MTUS2: variants seen among roughly 807,000 people sequenced by gnomAD.
MTUS2 encodes the protein microtubule-associated tumor suppressor candidate 2.
In MTUS2, 40 loss-of-function variants were observed where a neutral mutation model predicts 114.1. That is an observed-to-expected ratio of 0.35 (90% CI 0.27 to 0.46). The LOEUF is 0.46. Ranked by LOEUF, MTUS2 falls within the 20% of genes least tolerant of loss-of-function variation. The probability of loss-of-function intolerance (pLI) is 1.00; values close to 1 mark genes in which losing one functional copy is unlikely to be tolerated. For synonymous variants in MTUS2, 688 were observed against 672.0 expected, an observed-to-expected ratio of 1.02 and a Z score of -0.37; for missense variants, 1,679 against 1,705.4, an observed-to-expected ratio of 0.98 and a Z score of 0.27.
rs548979115 is a variant in MTUS2 at position 29,172,760 on chromosome 13, G to T, written c.2644+71790G>T. ...GACAAGGAGACATTACCAGGCTACT[G>T]TGGAGTCACAGACAAGTACATAAAA... On this transcript the variant is annotated intron_variant, in intron 5 of 15. Transcript: ENST00000612955. 1.6e-4 allele frequency among the ~76,000 whole-genome samples: 24 copies of T among 152,302 alleles called. No homozygotes were observed. In the South Asian group the frequency reaches 4.8e-3, roughly 30 times the overall value.
At chr13:29,175,643 T>TAATGA (rs1288526989) in intron 5 of MTUS2, among the ~76,000 whole-genome samples, 5 of 152,230 alleles carry the variant, frequency 3.3e-5, no homozygotes, top group Non-Finnish European at 7.3e-5. Flanking sequence ...TTGATCTCAC[T>TAATGA]AATGATTGCT....
chr13:29,121,131 A>G (rs1272634463), intron 5 of MTUS2, among the ~76,000 whole-genome samples: 5 of 152,202 alleles, frequency 3.3e-5, no homozygotes, highest in Non-Finnish European at 5.9e-5. Context: ...TAGACATTTT[A>G]TGGGACAGCT....
chr13:28,830,099 A>C (rs558694927), intron 1 of MTUS2, among the ~76,000 whole-genome samples: 1 of 152,370 alleles, frequency 6.6e-6, no homozygotes, highest in Non-Finnish European at 1.5e-5. Flanking sequence ...GCAGCTGCAC[A>C]TGATAAACAA....
At chr13:29,102,133 T>C (rs1890444240) in intron 5 of MTUS2, among the ~76,000 whole-genome samples, 1 of 152,162 alleles carries the variant, frequency 6.6e-6, no homozygotes, top group Admixed American at 6.5e-5. Flanking sequence ...GGTCTCAAAA[T>C]CTGAAACATG....
At chr13:29,193,097 T>C (rs983867071) in intron 5 of MTUS2, among the ~76,000 whole-genome samples, 5 of 152,194 alleles carry the variant, frequency 3.3e-5, no homozygotes, top group African/African-American at 7.2e-5. Context: ...GAGGTTCATT[T>C]CCAGCCTCTA....
chr13:29,441,205 A>G (rs7984518), intron 9 of MTUS2, among the ~76,000 whole-genome samples: 103,645 of 151,640 alleles, frequency 0.68, 36,202 homozygotes, highest in Non-Finnish European at 0.77. Flanking sequence ...CTCCCCCACC[A>G]GGAGAAGCCC....
At chr13:29,367,623 G>A (rs1037212825) in intron 8 of MTUS2, among the ~76,000 whole-genome samples, 2 of 152,102 alleles carry the variant, frequency 1.3e-5, no homozygotes, top group Non-Finnish European at 2.9e-5. Flanking sequence ...CTGGGGTCCC[G>A]ATGGAAAGGA....
chr13:29,244,101 A>T (rs1896824117), intron 5 of MTUS2, among the ~76,000 whole-genome samples: 1 of 152,196 alleles, frequency 6.6e-6, no homozygotes, highest in South Asian at 2.1e-4. Flanking sequence ...TGAGGCTAAT[A>T]GGTGAAGGGA....
At chr13:29,226,196 C>G (rs1896101929) in intron 5 of MTUS2, among the ~76,000 whole-genome samples, 1 of 152,068 alleles carries the variant, frequency 6.6e-6, no homozygotes, top group African/African-American at 2.4e-5. Context: ...GATTTACATT[C>G]ACTTTAGGTT....
At chr13:29,454,626 G>T (rs1452282379) in intron 9 of MTUS2, among the ~76,000 whole-genome samples, 1 of 151,906 alleles carries the variant, frequency 6.6e-6, no homozygotes, top group Non-Finnish European at 1.5e-5. Context: ...GGAAACGCAG[G>T]AATCAGTGAA....
chr13:29,074,885 C>G (rs1186136903), intron 4 of MTUS2, among the ~76,000 whole-genome samples: 1 of 152,122 alleles, frequency 6.6e-6, no homozygotes, highest in Non-Finnish European at 1.5e-5. Context: ...CTATATATTT[C>G]CACCATTTAA....
intron 7 of MTUS2, among the ~76,000 whole-genome samples, chr13:29,325,282 C>T (rs1184211352): frequency 1.3e-5 from 2 of 151,982 alleles, no homozygotes; most frequent in African/African-American, 4.8e-5. Flanking sequence ...ATAGCGAAAC[C>T]CTGTGTCTAC....
intron 3 of MTUS2, among the ~76,000 whole-genome samples, chr13:29,027,506 C>A (rs1292920836): frequency 6.6e-6 from 1 of 152,150 alleles, no homozygotes; most frequent in Non-Finnish European, 1.5e-5. Flanking sequence ...TGCAGTAATT[C>A]CCTGAGGGTT....
chr13:29,118,129 G>A (rs2138893375), intron 5 of MTUS2, among the ~76,000 whole-genome samples: 1 of 152,236 alleles, frequency 6.6e-6, no homozygotes, highest in South Asian at 2.1e-4. Flanking sequence ...CCCAGGAAAT[G>A]TACGTTGCCT....
At chr13:29,106,374 G>A (rs546749925) in intron 5 of MTUS2, among the ~76,000 whole-genome samples, 2 of 152,290 alleles carry the variant, frequency 1.3e-5, no homozygotes, top group East Asian at 3.9e-4. Context: ...CATGCCTGCT[G>A]ATTTTTTGGA....
intron 13 of MTUS2, 97 bp downstream of exon 13, chr13:29,497,433 CTG>C: frequency 9.6e-7 from 1 of 1,036,448 alleles, no homozygotes; most frequent in East Asian, 2.6e-5. Context: ...CAAGGCCTCT[CTG>C]TGAATCCGCT....
intron 2 of MTUS2, among the ~76,000 whole-genome samples, chr13:29,009,052 A>G (rs918568855): frequency 1.3e-5 from 2 of 151,224 alleles, no homozygotes; most frequent in Non-Finnish European, 2.9e-5. Context: ...AATTTCTGAG[A>G]GATTTCCTTG....
chr13:29,154,579 T>C (rs966623617), intron 5 of MTUS2, among the ~76,000 whole-genome samples: 1 of 152,294 alleles, frequency 6.6e-6, no homozygotes, highest in South Asian at 2.1e-4. Flanking sequence ...CAGCTAACAC[T>C]GGAATGCCAG....
At chr13:29,335,419 T>C (rs9579339) in intron 7 of MTUS2, among the ~76,000 whole-genome samples, 40,735 of 152,038 alleles carry the variant, frequency 0.27, 6,250 homozygotes, top group African/African-American at 0.43. Context: ...ATTTTAATTT[T>C]ACCCTGGTCC....
Sources: gnomAD v4.1 joint callset for allele counts (sites outside exome capture counted in the v4.1 genomes callset) on GRCh38, gnomAD v4.1.1 for gene constraint, MANE v1.5 for transcripts, NCBI Gene and HGNC (gene_info 2026-07-23, HGNC 2026-07-21) for gene names.